The following PTPRQ variants were observed in gnomAD, a reference collection of about 807,000 sequenced individuals.
The protein encoded by PTPRQ is protein tyrosine phosphatase receptor type Q, also known as phosphatidylinositol phosphatase PTPRQ.
In PTPRQ, 199 loss-of-function variants were observed where a neutral mutation model predicts 246.0. The observed-to-expected ratio is 0.81, with a 90% CI of 0.72 to 0.91. PTPRQ has a LOEUF of 0.91. Ranked by LOEUF, PTPRQ falls within the 40% of genes least tolerant of loss-of-function variation. The pLI is 0.00. For missense variants in PTPRQ, 2,624 were observed against 2,528.4 expected (o/e 1.04, Z -0.81); for synonymous variants, 869 against 853.2 (o/e 1.02, Z -0.32).
chr12:80,538,011 A>G (rs1896039874), intron 19 of PTPRQ, among the ~76,000 whole-genome samples: 1 of 152,102 alleles, frequency 6.6e-6, no homozygotes, highest in Admixed American at 6.6e-5. Context: ...CAGGAGGCTG[A>G]GGCAGGAGAA....
chr12:80,652,940 A>G lies in PTPRQ; in HGVS notation c.6115+106A>G, dbSNP rs955292457. ...TATTTTATTTTATATTGTTTGAATT[A>G]TAATAATGTATTTTATTGGCAGTGA... is the stretch of plus-strand genomic sequence containing the variant. On this transcript the variant is annotated intron_variant, in intron 38 of 44. Coordinates refer to ENST00000644991, the MANE Select transcript of PTPRQ (RefSeq NM_001145026.2). 63 of 1,197,522 alleles carry G rather than the reference A, an allele frequency of 5.3e-5. No individual in the cohort carries two copies. The South Asian group carries it at 1.2e-3, about 23-fold the overall frequency. The allele number at this position is 1,197,522 out of a possible 1,614,324, so 74.2% of individuals were successfully genotyped here. A position where few individuals can be genotyped will look rare whatever the true frequency, so the allele number is the denominator to read the frequency against.
intron 19 of PTPRQ, among the ~76,000 whole-genome samples, chr12:80,538,080 G>T (rs181847310): frequency 1.3e-5 from 2 of 152,214 alleles, no homozygotes; most frequent in East Asian, 3.9e-4. Flanking sequence ...CTGCCCTCTA[G>T]CCTGGGCAAC....
In PTPRQ at chr12:80,673,270, T is replaced by A. The variant is rs1354789325; in HGVS notation, c.6704T>A (p.Leu2235Gln). ...GATATATATGGACTAGTAGCTGAAC[T>A]GAGAAGTGAAAGAATGTGCATGGTG... ...FVDIYGLVAE[L>Q]RSERMCMVQN... Residue 2235 changes from leucine to glutamine, a missense_variant, in exon 43 of 45, where the codon CTG becomes CAG. Coordinates refer to ENST00000644991, the MANE Select transcript of PTPRQ (RefSeq NM_001145026.2). The A allele has an allele frequency of 1.3e-6, 2 of 1,550,344 alleles. No homozygotes were observed. Among genetic ancestry groups the A allele is most frequent in the Non-Finnish European group, 1.7e-6 (2 of 1,146,246 alleles).
chr12:80,449,039 C>G (rs150866250), intron 3 of PTPRQ, among the ~76,000 whole-genome samples: 5,263 of 147,642 alleles, frequency 0.036, 160 homozygotes, highest in Middle Eastern at 0.079. Flanking sequence ...AGCACTTGTT[C>G]TTTCCTGACT....
intron 20 of PTPRQ, among the ~76,000 whole-genome samples, chr12:80,541,053 G>A (rs11114500): frequency 6.6e-6 from 1 of 152,018 alleles, no homozygotes; most frequent in Non-Finnish European, 1.5e-5. Context: ...GGTGACTGGA[G>A]AGATTTTGAG....
chr12:80,648,074 A>G (rs533712138), intron 35 of PTPRQ, among the ~76,000 whole-genome samples: 1 of 151,820 alleles, frequency 6.6e-6, no homozygotes, highest in Admixed American at 6.6e-5. Context: ...TTTTCAAACC[A>G]TTTTTTTTCT....
intron 17 of PTPRQ, among the ~76,000 whole-genome samples, chr12:80,522,831 T>G (rs911062298): frequency 6.6e-6 from 1 of 152,164 alleles, no homozygotes; most frequent in African/African-American, 2.4e-5. Context: ...TCTCTTTTTT[T>G]GTTGTGTCTC....
At chr12:80,500,421 G>T (rs1450882219) in intron 14 of PTPRQ, among the ~76,000 whole-genome samples, 1 of 151,874 alleles carries the variant, frequency 6.6e-6, no homozygotes, top group Non-Finnish European at 1.5e-5. Context: ...TTCCCTAAGG[G>T]TAAATGAATA....
intron 39 of PTPRQ, among the ~76,000 whole-genome samples, chr12:80,664,875 A>C (rs1900737718): frequency 6.6e-6 from 1 of 152,030 alleles, no homozygotes; most frequent in Non-Finnish European, 1.5e-5. Flanking sequence ...TGCAAACAAA[A>C]TAATTTAGAG....
At chr12:80,572,237 A>T (rs1055110883) in intron 25 of PTPRQ, among the ~76,000 whole-genome samples, 2 of 151,998 alleles carry the variant, frequency 1.3e-5, no homozygotes, top group Admixed American at 1.3e-4. Context: ...TGGATTTTGC[A>T]TATCTTTTGT....
chr12:80,540,063 G>A, intron 20 of PTPRQ, 119 bp downstream of exon 20: 1 of 886,332 alleles, frequency 1.1e-6, no homozygotes, highest in Non-Finnish European at 1.6e-6. Context: ...GTTCATTATA[G>A]GAGTTTGAAA....
intron 8 of PTPRQ, among the ~76,000 whole-genome samples, chr12:80,481,161 G>A (rs895610401): frequency 2.6e-5 from 4 of 152,100 alleles, no homozygotes; most frequent in African/African-American, 7.2e-5. Flanking sequence ...CAGCACATCA[G>A]AAAGCTTATC....
At chr12:80,530,689 A>G (rs1895819387) in intron 17 of PTPRQ, among the ~76,000 whole-genome samples, 1 of 152,170 alleles carries the variant, frequency 6.6e-6, no homozygotes, top group African/African-American at 2.4e-5. Context: ...GGCTAACTAA[A>G]ATCTAACTAA....
intron 39 of PTPRQ, among the ~76,000 whole-genome samples, chr12:80,664,531 G>A (rs1328336858): frequency 6.6e-6 from 1 of 151,908 alleles, no homozygotes. Context: ...TTCTCTTTTA[G>A]CAGCTAAACA....
chr12:80,487,970 C>A (rs1034395248), intron 9 of PTPRQ, among the ~76,000 whole-genome samples: 1 of 152,040 alleles, frequency 6.6e-6, no homozygotes, highest in Non-Finnish European at 1.5e-5. Flanking sequence ...GGAGGCTTGA[C>A]TAGGGAAGAA....
chr12:80,483,414 A>T (rs950836226), intron 8 of PTPRQ, among the ~76,000 whole-genome samples: 1 of 144,406 alleles, frequency 6.9e-6, no homozygotes, highest in Non-Finnish European at 1.5e-5. Flanking sequence ...ATTGGGAGAT[A>T]TACCTAATGC....
At chr12:80,546,168 T>A (rs1896299534) in intron 23 of PTPRQ, among the ~76,000 whole-genome samples, 1 of 151,778 alleles carries the variant, frequency 6.6e-6, no homozygotes, top group Non-Finnish European at 1.5e-5. Flanking sequence ...AAACTACAAA[T>A]ATTAGCTGGG....
intron 43 of PTPRQ, among the ~76,000 whole-genome samples, chr12:80,673,727 T>G (rs1265317345): frequency 6.6e-6 from 1 of 152,192 alleles, no homozygotes; most frequent in Admixed American, 6.5e-5. Flanking sequence ...TTCTCCATAT[T>G]TATCCCTATT....
At position 80,603,613 on chromosome 12, in the gene PTPRQ, T is replaced by A. The variant is rs572065131; in HGVS notation, c.4610-1446T>A. ...CTTCCTAGAGTAATTTATTTTTTAC[T>A]TGTAAAATAATAACATTACCAAGAT... On this transcript the variant is annotated intron_variant, in intron 26 of 44. Transcript: ENST00000644991. Among the ~76,000 whole-genome samples the A allele has an allele frequency of 2.6e-5, 4 of 151,768 alleles. 1 individual carries two copies. The East Asian group carries it at 7.8e-4, about 30-fold the overall frequency.
Sources: allele counts gnomAD v4.1 joint callset (sites outside exome capture counted in the v4.1 genomes callset), GRCh38; gene constraint gnomAD v4.1.1; transcripts MANE v1.5; gene names NCBI Gene and HGNC (gene_info 2026-07-23, HGNC 2026-07-21).